Variants in KHDRBS2 observed in about 807,000 individuals in gnomAD.
KHDRBS2 encodes KH RNA binding domain containing, signal transduction associated 2, also known as KH domain-containing, RNA-binding, signal transduction-associated protein 2.
Under a neutral mutation model 44.3 loss-of-function variants are expected in KHDRBS2, and 26 were observed. The ratio of observed to expected loss-of-function variants is 0.59; its 90% CI spans 0.43 to 0.81. The LOEUF (loss-of-function observed/expected upper bound fraction) is 0.81, where lower values mean the gene tolerates loss of function less well. Among genes scored for constraint, KHDRBS2 ranks in the 40% least tolerant of loss-of-function variants. The pLI is 0.00. For synonymous variants in KHDRBS2, 194 were observed against 151.1 expected (o/e 1.28, Z -2.08); for missense variants, 476 against 433.1 (o/e 1.10, Z -0.88).
In KHDRBS2 at chr6:61,930,472, T is replaced by A. The variant is rs140813374; in HGVS notation, c.484-29101A>T. On this transcript the variant is annotated intron_variant, in intron 4 of 8. Transcript: ENST00000281156. ...CTTCTAGTTATCACTGTGTGCCAAGTGTAGACTTTCTGAATGTATTGGGAA... is the reference window on the plus strand; with the variant it reads ...CTTCTAGTTATCACTGTGTGCCAAGAGTAGACTTTCTGAATGTATTGGGAA... Among the ~76,000 whole-genome samples the A allele has an allele frequency of 9.4e-3, 1,284 of 136,890 alleles. 8 individuals carry two copies. Among genetic ancestry groups the A allele is most frequent in the Non-Finnish European group, 0.014 (915 of 65,456 alleles). 89.8% of individuals were successfully genotyped at this position (136,890 alleles called of 152,430 possible).
At chr6:62,252,934 T>TA (rs1836783079) in intron 1 of KHDRBS2, among the ~76,000 whole-genome samples, 1 of 151,944 alleles carries the variant, frequency 6.6e-6, no homozygotes, top group Non-Finnish European at 1.5e-5. Flanking sequence ...ATCATAACTA[T>TA]AAAAAACCCA....
rs1288842482 is a variant in KHDRBS2 at position 61,855,099 on chromosome 6, T to A, written c.810+39536A>T. Among the ~76,000 whole-genome samples, 7 of 152,268 alleles carry A rather than the reference T, an allele frequency of 4.6e-5. 1 individual carries two copies. In the East Asian group the frequency reaches 1.4e-3, roughly 29 times the overall value. ...ATGAACTGAAACCTCAATTTTTCCA[T>A]ATAATGACTGTCTCAATTTTTGGGG... On this transcript the variant is annotated intron_variant, in intron 6 of 8. Transcript: ENST00000281156.
chr6:62,018,418 A>G (rs926270683), intron 3 of KHDRBS2, among the ~76,000 whole-genome samples: 1 of 151,442 alleles, frequency 6.6e-6, no homozygotes, highest in Non-Finnish European at 1.5e-5. Flanking sequence ...AGTGGCACGA[A>G]CTCACCGCAA....
At chr6:61,986,872 A>G (rs1775147617) in intron 3 of KHDRBS2, among the ~76,000 whole-genome samples, 1 of 152,108 alleles carries the variant, frequency 6.6e-6, no homozygotes. Context: ...AATTACCCCC[A>G]AAGGCCCCAC....
rs76243002 is a variant in KHDRBS2 at position 62,180,731 on chromosome 6, G to A, written c.92-3419C>T. ...TAAAATGATAAAAGAACTTCAAATG[G>A]CCAAAGTAATTTTGAGAAAATACAC... On this transcript the variant is annotated intron_variant, in intron 1 of 8. Transcript: ENST00000281156. 1.2e-3 allele frequency among the ~76,000 whole-genome samples: 186 copies of A among 151,532 alleles called. 3 individuals are homozygous for A. In the East Asian group the frequency reaches 0.021, roughly 17 times the overall value.
intron 2 of KHDRBS2, among the ~76,000 whole-genome samples, chr6:62,076,054 C>T (rs1340303792): frequency 2.0e-5 from 3 of 151,858 alleles, no homozygotes; most frequent in Non-Finnish European, 4.4e-5. Context: ...GTCTCATCCA[C>T]ATATCTCAAT....
chr6:62,063,883 A>C (rs1206292086), intron 2 of KHDRBS2, among the ~76,000 whole-genome samples: 2 of 136,840 alleles, frequency 1.5e-5, no homozygotes, highest in Non-Finnish European at 3.1e-5. Flanking sequence ...AGAAAACCCC[A>C]TTGTCTCAGC....
At chr6:61,617,268 C>A in the KHDRBS2 span, among the ~76,000 whole-genome samples, 501 of 152,266 alleles carry the variant, frequency 3.3e-3, no homozygotes, top group African/African-American at 0.012. Context: ...AATTTAAAGA[C>A]TGATTCATAA....
intron 2 of KHDRBS2, among the ~76,000 whole-genome samples, chr6:62,120,154 G>A (rs1017855717): frequency 1.2e-4 from 18 of 152,152 alleles, no homozygotes; most frequent in African/African-American, 3.6e-4. Context: ...GGTTCTAATA[G>A]TTTATTTGCT....
chr6:61,669,663 A>G, the KHDRBS2 span, among the ~76,000 whole-genome samples: 1 of 151,108 alleles, frequency 6.6e-6, no homozygotes, highest in Non-Finnish European at 1.5e-5. Flanking sequence ...GATATTTACT[A>G]AACTTGGGAG....
chr6:61,629,527 T>A, the KHDRBS2 span, among the ~76,000 whole-genome samples: 1 of 152,130 alleles, frequency 6.6e-6, no homozygotes, highest in African/African-American at 2.4e-5. Flanking sequence ...GAAAGAGACA[T>A]ACCTTGTGCA....
At chr6:62,252,362 A>C (rs1836688749) in intron 1 of KHDRBS2, among the ~76,000 whole-genome samples, 1 of 151,958 alleles carries the variant, frequency 6.6e-6, no homozygotes, top group South Asian at 2.1e-4. Context: ...CTATTTGAAT[A>C]ACACCTTTCC....
chr6:62,249,385 A>G (rs1460988119), intron 1 of KHDRBS2, among the ~76,000 whole-genome samples: 2 of 152,040 alleles, frequency 1.3e-5, no homozygotes, highest in African/African-American at 4.8e-5. Flanking sequence ...TTTTAACCTA[A>G]AAGTTATTTT....
chr6:62,018,178 C>T (rs558400968), intron 3 of KHDRBS2, among the ~76,000 whole-genome samples: 41 of 148,696 alleles, frequency 2.8e-4, no homozygotes, highest in African/African-American at 9.9e-4. Context: ...AGTCTTGCTC[C>T]GTCTCAAAAT....
intron 2 of KHDRBS2, among the ~76,000 whole-genome samples, chr6:62,073,771 T>C (rs1426393662): frequency 6.6e-6 from 1 of 151,730 alleles, no homozygotes; most frequent in South Asian, 2.1e-4. Flanking sequence ...ATGTTGTTTT[T>C]ATCATGCAGC....
At chr6:61,627,252 C>CAAAAAAAAAAA in the KHDRBS2 span, among the ~76,000 whole-genome samples, 1 of 76,120 alleles carries the variant, frequency 1.3e-5, no homozygotes. Context: ...GACTCCGTCT[C>CAAAAAAAAAAA]AAAAAAAAAA....
chr6:61,957,616 G>C (rs1767690633), intron 4 of KHDRBS2, among the ~76,000 whole-genome samples: 1 of 152,074 alleles, frequency 6.6e-6, no homozygotes, highest in African/African-American at 2.4e-5. Context: ...ATAATTTTTG[G>C]TCAGACTGGT....
intron 2 of KHDRBS2, among the ~76,000 whole-genome samples, chr6:62,144,375 A>G (rs1301995985): frequency 1.3e-5 from 2 of 151,992 alleles, no homozygotes; most frequent in African/African-American, 2.4e-5. Context: ...AAACTTGACT[A>G]ATATAGTTTT....
chr6:62,251,488 C>A (rs142172751), intron 1 of KHDRBS2, among the ~76,000 whole-genome samples: 38 of 151,966 alleles, frequency 2.5e-4, no homozygotes, highest in African/African-American at 9.2e-4. Context: ...ACAACTGGAT[C>A]CATATCACAT....
Sources: allele counts gnomAD v4.1 joint callset (sites outside exome capture counted in the v4.1 genomes callset), GRCh38; gene constraint gnomAD v4.1.1; transcripts MANE v1.5; gene names NCBI Gene and HGNC (gene_info 2026-07-23, HGNC 2026-07-21).